The following ESRRG variants were observed in gnomAD, a reference collection of about 807,000 sequenced individuals.
ESRRG encodes the protein estrogen-related receptor gamma.
In ESRRG, 13 loss-of-function variants were observed where a neutral mutation model predicts 44.0. The observed-to-expected ratio is 0.30, with a 90% CI of 0.19 to 0.47. The LOEUF is 0.47. ESRRG is among the 20% of genes least tolerant of loss of function. The pLI is 1.00. For synonymous variants in ESRRG, 215 were observed against 214.6 expected, an observed-to-expected ratio of 1.00 and a Z score of -0.02; for missense variants, 395 against 580.6, an observed-to-expected ratio of 0.68 and a Z score of 3.29.
chr1:216,875,422 CA>C (rs1471580835), intron 2 of ESRRG, among the ~76,000 whole-genome samples: 1 of 151,994 alleles, frequency 6.6e-6, no homozygotes, highest in African/African-American at 2.4e-5. Context: ...CAAAAGGTAC[CA>C]AAAGGTAAAC....
At chr1:217,113,294 G>A (rs1008353621) in intron 1 of ESRRG, among the ~76,000 whole-genome samples, 4 of 152,160 alleles carry the variant, frequency 2.6e-5, no homozygotes, top group African/African-American at 9.7e-5. Context: ...CCCTAATCAA[G>A]GAACTGGCAA....
intron 1 of ESRRG, among the ~76,000 whole-genome samples, chr1:217,113,001 T>C (rs1216303411): frequency 6.6e-6 from 1 of 152,174 alleles, no homozygotes; most frequent in African/African-American, 2.4e-5. Context: ...ATTAATAGAA[T>C]AAGTGCCAAT....
chr1:216,861,968 A>C (rs1003167924), intron 2 of ESRRG, among the ~76,000 whole-genome samples: 11 of 152,170 alleles, frequency 7.2e-5, no homozygotes, highest in African/African-American at 2.7e-4. Context: ...GTCATTAGGG[A>C]AATGCAAATT....
intron 2 of ESRRG, among the ~76,000 whole-genome samples, chr1:216,787,753 G>A (rs1016966619): frequency 6.6e-6 from 1 of 152,094 alleles, no homozygotes; most frequent in African/African-American, 2.4e-5. Context: ...CATAAGCTAG[G>A]CTTCTTGCAC....
Position 217,133,426 on chromosome 1 carries a change from G to A in ESRRG, c.-230+4241C>T, listed in dbSNP as rs148941693. ...CCGGAGGTACTGGGAGCCCACGCTC[G>A]GGCCTTCTCCAACTTTGGCCAATAC... On this transcript the variant is annotated intron_variant, in intron 1 of 8. Coordinates refer to the ESRRG transcript ENST00000366940. Among the ~76,000 whole-genome samples the A allele has an allele frequency of 1.1e-3, 161 of 152,330 alleles. 1 individual carries two copies. Among genetic ancestry groups the A allele is most frequent in the African/African-American group, 3.8e-3 (159 of 41,586 alleles).
chr1:217,105,953 G>A (rs1268387713), intron 1 of ESRRG, among the ~76,000 whole-genome samples: 2 of 152,204 alleles, frequency 1.3e-5, no homozygotes, highest in African/African-American at 4.8e-5. Flanking sequence ...TTGAAACTGT[G>A]TAATTATCAC....
chr1:216,527,452 A>G (rs916962407), intron 5 of ESRRG, among the ~76,000 whole-genome samples: 1 of 152,134 alleles, frequency 6.6e-6, no homozygotes, highest in Non-Finnish European at 1.5e-5. Flanking sequence ...CTCCTACATG[A>G]TAAAACTGAA....
At chr1:216,534,787 C>T (rs567790120) in intron 5 of ESRRG, among the ~76,000 whole-genome samples, 1 of 152,260 alleles carries the variant, frequency 6.6e-6, no homozygotes, top group East Asian at 1.9e-4. Context: ...CTCCAGGGAA[C>T]ATCTAGCTCA....
intron 3 of ESRRG, among the ~76,000 whole-genome samples, chr1:216,588,463 T>C (rs1375649553): frequency 2.6e-5 from 4 of 152,236 alleles, no homozygotes; most frequent in Non-Finnish European, 5.9e-5. Flanking sequence ...TATAATTTTA[T>C]GGCCTTTATG....
At chr1:216,665,722 T>C (rs1305924214) in intron 2 of ESRRG, among the ~76,000 whole-genome samples, 1 of 152,168 alleles carries the variant, frequency 6.6e-6, no homozygotes, top group Non-Finnish European at 1.5e-5. Context: ...AGTTTAAATG[T>C]CAGTTCTTTT....
chr1:217,124,892 G>A (rs543683982), intron 1 of ESRRG, among the ~76,000 whole-genome samples: 2 of 152,242 alleles, frequency 1.3e-5, no homozygotes, highest in East Asian at 3.9e-4. Context: ...TAAAGAGATG[G>A]TATATGATCC....
chr1:216,954,699 C>T (rs2067623153), intron 1 of ESRRG, among the ~76,000 whole-genome samples: 1 of 152,120 alleles, frequency 6.6e-6, no homozygotes, highest in Non-Finnish European at 1.5e-5. Context: ...TCAAGGCTAT[C>T]ACATATAAAG....
intron 2 of ESRRG, among the ~76,000 whole-genome samples, chr1:216,862,037 A>C (rs542285940): frequency 6.6e-6 from 1 of 152,286 alleles, no homozygotes; most frequent in South Asian, 2.1e-4. Context: ...AAGTCTGACT[A>C]AACTAAGGAT....
chr1:216,603,456 C>A (rs565723645), intron 3 of ESRRG, among the ~76,000 whole-genome samples: 64 of 152,210 alleles, frequency 4.2e-4, no homozygotes, highest in Admixed American at 3.6e-3. Context: ...TTAATCCTCA[C>A]CAGAAAAAAA....
At chr1:216,966,099 T>A (rs1445496521) in intron 1 of ESRRG, among the ~76,000 whole-genome samples, 2 of 152,136 alleles carry the variant, frequency 1.3e-5, no homozygotes, top group African/African-American at 2.4e-5. Flanking sequence ...CAATAGAACA[T>A]GTTTTATTTA....
At chr1:216,650,699 T>C (rs1280049368) in intron 3 of ESRRG, among the ~76,000 whole-genome samples, 1 of 152,152 alleles carries the variant, frequency 6.6e-6, no homozygotes, top group Non-Finnish European at 1.5e-5. Context: ...CTTTGCTTTC[T>C]GCAAATTGTA....
intron 1 of ESRRG, among the ~76,000 whole-genome samples, chr1:217,130,134 C>T (rs1437838940): frequency 2.6e-5 from 4 of 152,184 alleles, no homozygotes; most frequent in Non-Finnish European, 4.4e-5. Flanking sequence ...ACAAGTTGTC[C>T]TTATTCCCTT....
chr1:217,097,358 G>A (rs2092439317), intron 1 of ESRRG, among the ~76,000 whole-genome samples: 2 of 152,168 alleles, frequency 1.3e-5, no homozygotes, highest in African/African-American at 4.8e-5. Flanking sequence ...TACAGTTCTT[G>A]TAGGGAATAA....
At chr1:217,103,266 G>A (rs1410359298) in intron 1 of ESRRG, among the ~76,000 whole-genome samples, 2 of 152,108 alleles carry the variant, frequency 1.3e-5, no homozygotes, top group Non-Finnish European at 2.9e-5. Flanking sequence ...ACTGCTGGAA[G>A]ATGAAGTGTG....
Sources: gnomAD v4.1 joint callset for allele counts (sites outside exome capture counted in the v4.1 genomes callset) on GRCh38, gnomAD v4.1.1 for gene constraint, MANE v1.5 for transcripts, NCBI Gene and HGNC (gene_info 2026-07-23, HGNC 2026-07-21) for gene names.